The following COBL variants were observed in gnomAD, a reference collection of about 807,000 sequenced individuals.
COBL encodes protein cordon-bleu.
A neutral mutation model predicts 98.8 loss-of-function variants in COBL; 51 were observed. That is an observed-to-expected ratio of 0.52 (90% CI 0.41 to 0.65). The LOEUF is 0.65. Among genes scored for constraint, COBL ranks in the 30% least tolerant of loss-of-function variants. The pLI, the probability that COBL is intolerant of heterozygous loss-of-function variation, is 0.00. For missense variants in COBL, 1,617 were observed against 1,617.5 expected (o/e 1.00, Z 0.01); for synonymous variants, 634 against 651.7 (o/e 0.97, Z 0.41).
chr7:51,314,653 T>C (rs1490886704), intron 1 of COBL, among the ~76,000 whole-genome samples: 1 of 152,222 alleles, frequency 6.6e-6, no homozygotes, highest in Non-Finnish European at 1.5e-5. Context: ...GCTTCTTCAC[T>C]GAAAGTATTA....
intron 8 of COBL, among the ~76,000 whole-genome samples, chr7:51,036,691 A>AGGCT (rs1336707479): frequency 5.9e-5 from 9 of 152,214 alleles, no homozygotes; most frequent in Admixed American, 1.3e-4. Context: ...GGAAATGTAC[A>AGGCT]GGCTGCCAGG....
chr7:51,228,654 A>G (rs1035791481), intron 1 of COBL, among the ~76,000 whole-genome samples: 1 of 152,162 alleles, frequency 6.6e-6, no homozygotes, highest in African/African-American at 2.4e-5. Context: ...TCACCAAACT[A>G]AACTCCAGGG....
At chr7:51,293,708 AAAT>A (rs1210494490) in intron 1 of COBL, among the ~76,000 whole-genome samples, 1 of 152,186 alleles carries the variant, frequency 6.6e-6, no homozygotes, top group Non-Finnish European at 1.5e-5. Context: ...AGTAGCTCCA[AAAT>A]ACAGTACACC....
chr7:51,026,245 C>G (rs1407803452), intron 11 of COBL, among the ~76,000 whole-genome samples: 1 of 152,212 alleles, frequency 6.6e-6, no homozygotes, highest in Admixed American at 6.5e-5. Flanking sequence ...GGAAACCACC[C>G]TAGGTGTCCA....
At chr7:51,098,349 AC>A (rs1460845355) in intron 6 of COBL, among the ~76,000 whole-genome samples, 2 of 151,816 alleles carry the variant, frequency 1.3e-5, no homozygotes, top group African/African-American at 4.8e-5. Context: ...GAAGCCTCAC[AC>A]TTTCTGGTTT....
intron 6 of COBL, among the ~76,000 whole-genome samples, chr7:51,104,572 GA>G (rs1796086680): frequency 6.6e-6 from 1 of 152,194 alleles, no homozygotes; most frequent in African/African-American, 2.4e-5. Flanking sequence ...GTAATAACAT[GA>G]AAAGTACAGA....
At chr7:51,263,841 C>T (rs1375357249) in intron 1 of COBL, among the ~76,000 whole-genome samples, 2 of 152,140 alleles carry the variant, frequency 1.3e-5, no homozygotes, top group Admixed American at 1.3e-4. Context: ...GATATGATTC[C>T]TATACAAAAA....
intron 8 of COBL, among the ~76,000 whole-genome samples, chr7:51,040,865 A>T (rs961555171): frequency 6.6e-5 from 10 of 152,234 alleles, no homozygotes; most frequent in African/African-American, 2.4e-4. Flanking sequence ...TTTGGATAGA[A>T]ATCAGCAAGA....
chr7:51,283,884 GAA>G (rs1800032829), intron 1 of COBL, among the ~76,000 whole-genome samples: 1 of 151,882 alleles, frequency 6.6e-6, no homozygotes, highest in Non-Finnish European at 1.5e-5. Context: ...AACAAAAAAT[GAA>G]AAAACACCAA....
At chr7:51,176,239 AG>A (rs1397707514) in intron 5 of COBL, among the ~76,000 whole-genome samples, 2 of 152,214 alleles carry the variant, frequency 1.3e-5, no homozygotes, top group Non-Finnish European at 2.9e-5. Context: ...TCACTTGGAA[AG>A]GTACCTTTGG....
chr7:51,203,562 T>C (rs529470824), intron 2 of COBL, among the ~76,000 whole-genome samples: 8 of 127,408 alleles, frequency 6.3e-5, no homozygotes, highest in African/African-American at 1.5e-4. Context: ...CTTAGAAATA[T>C]GAATAAAAAA....
chr7:51,286,331 GA>G (rs35968199), intron 1 of COBL, among the ~76,000 whole-genome samples: 28 of 118,876 alleles, frequency 2.4e-4, no homozygotes, highest in Admixed American at 5.9e-4. Context: ...GATACTGACT[GA>G]AAAAAAAAAA....
chr7:51,178,180 C>CCA (rs1788591110), intron 5 of COBL, among the ~76,000 whole-genome samples: 1 of 148,736 alleles, frequency 6.7e-6, no homozygotes, highest in Admixed American at 6.8e-5. Flanking sequence ...CTCTCTCTCT[C>CCA]TATATATATA....
At chr7:51,202,306 A>G (rs1791204736) in intron 2 of COBL, among the ~76,000 whole-genome samples, 2 of 152,342 alleles carry the variant, frequency 1.3e-5, no homozygotes, top group South Asian at 4.1e-4. Context: ...TATTCATGCT[A>G]GTTTTGCAGT....
At chr7:51,250,453 C>T (rs17134209) in intron 1 of COBL, among the ~76,000 whole-genome samples, 98 of 152,066 alleles carry the variant, frequency 6.4e-4, no homozygotes, top group Admixed American at 1.9e-3. Flanking sequence ...ATGCTGTGGA[C>T]AAATTTTATA....
rs1801440851 is a variant in COBL at position 51,296,627 on chromosome 7, A to C, written c.41+19966T>G. Among the ~76,000 whole-genome samples the C allele has an allele frequency of 2.0e-5, 3 of 152,184 alleles. No individual in the cohort carries two copies. In the South Asian group the frequency reaches 6.2e-4, roughly 32 times the overall value. ...AATCAATTTGATAAATGACTCTGAAAGTATTTTACGGAATAGTTTTTGTTT... is the reference window on the plus strand; with the variant it reads ...AATCAATTTGATAAATGACTCTGAACGTATTTTACGGAATAGTTTTTGTTT... On this transcript the variant is annotated intron_variant, in intron 1 of 12. Transcript: ENST00000265136.
intron 7 of COBL, among the ~76,000 whole-genome samples, chr7:51,068,109 C>T (rs917509493): frequency 1.3e-5 from 2 of 152,198 alleles, no homozygotes; most frequent in African/African-American, 2.4e-5. Flanking sequence ...GCGGCAGAGG[C>T]GGTGGGCTGA....
intron 1 of COBL, among the ~76,000 whole-genome samples, chr7:51,274,153 G>A (rs904096240): frequency 3.3e-5 from 5 of 152,068 alleles, no homozygotes; most frequent in Non-Finnish European, 5.9e-5. Context: ...GCTGTGCATC[G>A]CATGGGCCGC....
intron 1 of COBL, among the ~76,000 whole-genome samples, chr7:51,233,317 G>C (rs1794939673): frequency 6.6e-6 from 1 of 152,248 alleles, no homozygotes; most frequent in South Asian, 2.1e-4. Context: ...CAAGGGGCAA[G>C]AAAAGTCAAC....
Sources: allele counts gnomAD v4.1 joint callset (sites outside exome capture counted in the v4.1 genomes callset), GRCh38; gene constraint gnomAD v4.1.1; transcripts MANE v1.5; gene names NCBI Gene and HGNC (gene_info 2026-07-23, HGNC 2026-07-21).